The following SYCP1 variants were observed in gnomAD, a reference collection of about 807,000 sequenced individuals.
The protein encoded by SYCP1 is synaptonemal complex protein 1.
SYCP1 carries 64 observed loss-of-function variants against 153.1 expected under a neutral mutation model. The ratio of observed to expected loss-of-function variants is 0.42; its 90% CI spans 0.34 to 0.51. SYCP1 has a LOEUF of 0.51. SYCP1 is among the 20% of genes least tolerant of loss of function. The probability of loss-of-function intolerance (pLI) is 0.06; values close to 1 mark genes in which losing one functional copy is unlikely to be tolerated. For missense variants in SYCP1, 997 were observed against 1,049.0 expected (o/e 0.95, Z 0.68); for synonymous variants, 384 against 341.8 (o/e 1.12, Z -1.36).
At chr1:114,941,109 AGCC>A (rs1006146756) in intron 23 of SYCP1, among the ~76,000 whole-genome samples, 2 of 152,116 alleles carry the variant, frequency 1.3e-5, no homozygotes, top group African/African-American at 2.4e-5. Context: ...TCCCCTAGTC[AGCC>A]CTGTGGAACC....
At chr1:114,989,011 A>G (rs1193601964) in intron 30 of SYCP1, among the ~76,000 whole-genome samples, 2 of 151,808 alleles carry the variant, frequency 1.3e-5, no homozygotes, top group Admixed American at 6.6e-5. Flanking sequence ...TACAAAAAAT[A>G]TGGAAATTAG....
intron 25 of SYCP1, among the ~76,000 whole-genome samples, chr1:114,945,277 C>A (rs1349413433): frequency 1.4e-4 from 21 of 151,822 alleles, no homozygotes; most frequent in Non-Finnish European, 2.9e-4. Flanking sequence ...GCACTTTCTA[C>A]CTTATATATT....
chr1:114,935,975 A>C (rs768726818), intron 23 of SYCP1, among the ~76,000 whole-genome samples: 13 of 152,208 alleles, frequency 8.5e-5, no homozygotes, highest in Non-Finnish European at 1.8e-4. Flanking sequence ...CCAGAGGTAC[A>C]AACAGAAGCT....
At chr1:114,909,787 A>C (rs1048246990) in intron 16 of SYCP1, among the ~76,000 whole-genome samples, 1 of 152,152 alleles carries the variant, frequency 6.6e-6, no homozygotes, top group African/African-American at 2.4e-5. Flanking sequence ...TATTGTTATC[A>C]ATCTGTCTCC....
chr1:114,917,953 A>AT (rs986477724), intron 20 of SYCP1, among the ~76,000 whole-genome samples: 180 of 142,964 alleles, frequency 1.3e-3, no homozygotes, highest in Middle Eastern at 3.5e-3. Context: ...CCCTTTGTTG[A>AT]TTTTTTTTTT....
At chr1:114,865,732 T>C (rs1317903492) in intron 8 of SYCP1, among the ~76,000 whole-genome samples, 2 of 152,236 alleles carry the variant, frequency 1.3e-5, no homozygotes, top group African/African-American at 4.8e-5. Flanking sequence ...TTTACATTAG[T>C]GTTCACTCTT....
chr1:114,865,870 A>G (rs1265166494), intron 8 of SYCP1, among the ~76,000 whole-genome samples: 1 of 152,150 alleles, frequency 6.6e-6, no homozygotes, highest in African/African-American at 2.4e-5. Flanking sequence ...GTAACCACTG[A>G]TCTTTTAACT....
intron 23 of SYCP1, among the ~76,000 whole-genome samples, chr1:114,941,282 CA>C (rs1474793749): frequency 6.6e-6 from 1 of 152,096 alleles, no homozygotes; most frequent in Non-Finnish European, 1.5e-5. Flanking sequence ...ATGTATTTTA[CA>C]TGTTTATATA....
At chr1:114,914,086 T>C (rs772018035) in intron 20 of SYCP1, 41 bp downstream of exon 20, 4 of 1,433,084 alleles carry the variant, frequency 2.8e-6, no homozygotes, top group Non-Finnish European at 9.5e-7. Context: ...TGGCAAAAGA[T>C]TTTGATATTT....
chr1:114,944,327 C>T lies in SYCP1; in HGVS notation c.1927-12C>T, dbSNP rs1292370998. ...ATTTACTAATATTCATGCTATTTTT[C>T]TTTACTTAAAGGTCAATAAATTAGA... On this transcript the variant is annotated splice_polypyrimidine_tract_variant and intron_variant, in intron 23 of 31. Coordinates refer to ENST00000369522, the MANE Select transcript of SYCP1 (RefSeq NM_003176.4). The T allele has an allele frequency of 2.8e-6, 4 of 1,446,126 alleles. No individual in the cohort carries two copies. The highest frequency in any genetic ancestry group is 3.8e-6 in the Non-Finnish European group (4 of 1,044,332). The allele number at this position is 1,446,126 out of a possible 1,614,324, so 89.6% of individuals were successfully genotyped here. A position where few individuals can be genotyped will look rare whatever the true frequency, so the allele number is the denominator to read the frequency against.
At chr1:114,982,734 T>C (rs569675675) in intron 29 of SYCP1, among the ~76,000 whole-genome samples, 1 of 152,066 alleles carries the variant, frequency 6.6e-6, no homozygotes, top group East Asian at 1.9e-4. Flanking sequence ...AGGGAGAGTT[T>C]CTGTTGTTTG....
intron 8 of SYCP1, among the ~76,000 whole-genome samples, chr1:114,861,112 C>T (rs967305139): frequency 1.3e-5 from 2 of 151,994 alleles, no homozygotes; most frequent in Non-Finnish European, 2.9e-5. Flanking sequence ...GAAATTCAAT[C>T]GAGAATAAGA....
intron 23 of SYCP1, among the ~76,000 whole-genome samples, chr1:114,931,675 G>C (rs1378487233): frequency 2.0e-5 from 3 of 152,088 alleles, no homozygotes; most frequent in Non-Finnish European, 2.9e-5. Context: ...TAGAGATTCA[G>C]TCACCATGAT....
intron 8 of SYCP1, among the ~76,000 whole-genome samples, chr1:114,873,267 G>A (rs890583915): frequency 1.3e-5 from 2 of 152,170 alleles, no homozygotes; most frequent in African/African-American, 4.8e-5. Flanking sequence ...TTGTTGTAAT[G>A]TGCTGGTAAA....
chr1:114,877,372 C>T (rs948684813), intron 11 of SYCP1, among the ~76,000 whole-genome samples: 1 of 152,134 alleles, frequency 6.6e-6, no homozygotes, highest in South Asian at 2.1e-4. Flanking sequence ...CTATCAGTTT[C>T]AAGTCTTCTG....
Position 114,874,501 on chromosome 1 carries a change from A to T in SYCP1, c.599-5A>T, listed in dbSNP as rs1480728570. 11 of 1,522,956 alleles carry T rather than the reference A, an allele frequency of 7.2e-6. No homozygotes were observed. Among genetic ancestry groups the T allele is most frequent in the Admixed American group, 1.9e-5 (1 of 53,286 alleles). The allele number at this position is 1,522,956 out of a possible 1,614,324, so 94.3% of individuals were successfully genotyped here. A position where few individuals can be genotyped will look rare whatever the true frequency, so the allele number is the denominator to read the frequency against. ...TTAATCTTGAAATTTTTATATTAAC[A>T]ATAGATGAATATGAACGGGAAGAAA... On this transcript the variant is annotated splice_polypyrimidine_tract_variant and splice_region_variant and intron_variant, in intron 8 of 31. Coordinates refer to ENST00000369522, the MANE Select transcript of SYCP1 (RefSeq NM_003176.4).
Position 114,994,897 on chromosome 1 carries a change from A to ATGATTCGG in SYCP1, c.2809_2810insTGATTCGG (p.Thr937MetfsTer10). The ATGATTCGG allele has an allele frequency of 6.4e-7, 1 of 1,552,974 alleles. No individual in the cohort carries two copies. Among genetic ancestry groups the ATGATTCGG allele is most frequent in the Non-Finnish European group, 8.7e-7 (1 of 1,149,776 alleles). ...TTGTACTCAGGCCCCTTCATCTCTA[A>ATGATTCGG]CAACCCCTGGATCTACACTGAAGTT... is the stretch of plus-strand genomic sequence containing the variant. On this transcript the variant is annotated frameshift_variant, in exon 32 of 32. Coordinates refer to ENST00000369522, the MANE Select transcript of SYCP1 (RefSeq NM_003176.4). LOFTEE classifies it high-confidence loss of function.
rs564017561 is a variant in SYCP1 at position 114,992,974 on chromosome 1, C to T, written c.2704-1724C>T. ...AATTGAAAAGTGGGGAGAAAAGATT[C>T]GAATAGCCATTTCTCCAAAGATGAA... On this transcript the variant is annotated intron_variant, in intron 30 of 31. Transcript: ENST00000369522. Among the ~76,000 whole-genome samples, 8 of 151,178 alleles carry T rather than the reference C, an allele frequency of 5.3e-5. No homozygotes were observed. In the South Asian group the frequency reaches 8.3e-4, roughly 16 times the overall value.
At chr1:114,956,826 ACTT>A (rs931048670) in intron 27 of SYCP1, among the ~76,000 whole-genome samples, 4 of 147,226 alleles carry the variant, frequency 2.7e-5, no homozygotes, top group African/African-American at 7.5e-5. Flanking sequence ...CAACAACCAG[ACTT>A]CTTAGAATCA....
Sources: gnomAD v4.1 joint callset for allele counts (sites outside exome capture counted in the v4.1 genomes callset) on GRCh38, gnomAD v4.1.1 for gene constraint, MANE v1.5 for transcripts, NCBI Gene and HGNC (gene_info 2026-07-23, HGNC 2026-07-21) for gene names.